ROBO2: variants seen among roughly 807,000 people sequenced by gnomAD.
ROBO2 encodes roundabout guidance receptor 2.
In ROBO2, 53 loss-of-function variants were observed where a neutral mutation model predicts 160.8. The ratio of observed to expected loss-of-function variants is 0.33; its 90% CI spans 0.26 to 0.41. The LOEUF is 0.41. Among genes scored for constraint, ROBO2 ranks in the 10% least tolerant of loss-of-function variants. ROBO2 has a pLI of 1.00. For synonymous variants in ROBO2, 664 were observed against 611.7 expected (o/e 1.09, Z -1.26); for missense variants, 1,577 against 1,722.4 (o/e 0.92, Z 1.49).
At chr3:76,820,353 A>T (rs2066013936) in intron 2 of ROBO2, among the ~76,000 whole-genome samples, 1 of 152,088 alleles carries the variant, frequency 6.6e-6, no homozygotes, top group South Asian at 2.1e-4. Flanking sequence ...TTGAATCAAT[A>T]TGAAAAATTT....
At chr3:76,376,589 G>A (rs1021830388) in intron 2 of ROBO2, among the ~76,000 whole-genome samples, 2 of 152,042 alleles carry the variant, frequency 1.3e-5, no homozygotes, top group African/African-American at 4.8e-5. Flanking sequence ...TGAGCTCACT[G>A]CCCACAACAG....
chr3:76,945,582 A>G (rs1465673739), intron 2 of ROBO2, among the ~76,000 whole-genome samples: 1 of 152,214 alleles, frequency 6.6e-6, no homozygotes. Flanking sequence ...ATCAGGGTGT[A>G]TCAGTCCATT....
chr3:77,289,011 T>C (rs924608943), intron 2 of ROBO2, among the ~76,000 whole-genome samples: 25 of 152,182 alleles, frequency 1.6e-4, no homozygotes, highest in African/African-American at 5.8e-4. Context: ...AGTTTGGGCA[T>C]TGGTGAGTTT....
chr3:76,583,072 G>C (rs1181960359), intron 2 of ROBO2, among the ~76,000 whole-genome samples: 1 of 151,876 alleles, frequency 6.6e-6, no homozygotes, highest in Non-Finnish European at 1.5e-5. Flanking sequence ...TTGTCTGCTG[G>C]AGTACGGAAC....
intron 2 of ROBO2, among the ~76,000 whole-genome samples, chr3:77,164,502 C>CA (rs2078801749): frequency 7.6e-6 from 1 of 130,960 alleles, no homozygotes; most frequent in Non-Finnish European, 1.7e-5. Context: ...GTCAGCCCCC[C>CA]GCCCGGCCAG....
chr3:77,147,032 C>A (rs1266743548), intron 2 of ROBO2, among the ~76,000 whole-genome samples: 1 of 152,048 alleles, frequency 6.6e-6, no homozygotes, highest in East Asian at 1.9e-4. Flanking sequence ...ACACTGGGGA[C>A]TCATATCTGG....
chr3:77,357,862 A>G (rs1205294027), intron 2 of ROBO2, among the ~76,000 whole-genome samples: 1 of 152,220 alleles, frequency 6.6e-6, no homozygotes, highest in Non-Finnish European at 1.5e-5. Context: ...GCTAAAAACT[A>G]CCTTTCCCTA....
intron 2 of ROBO2, among the ~76,000 whole-genome samples, chr3:76,809,921 TAA>T (rs537605203): frequency 6.6e-6 from 1 of 150,964 alleles, no homozygotes; most frequent in Non-Finnish European, 1.5e-5. Context: ...AGAGAGAAGG[TAA>T]AAAAAACTAG....
chr3:76,495,379 G>A (rs1449670306), intron 2 of ROBO2, among the ~76,000 whole-genome samples: 2 of 151,562 alleles, frequency 1.3e-5, no homozygotes, highest in Non-Finnish European at 2.9e-5. Flanking sequence ...GCTAAAACAC[G>A]CCCTGTCATG....
intron 2 of ROBO2, among the ~76,000 whole-genome samples, chr3:76,693,274 C>CTG (rs1553872052): frequency 1.4e-5 from 2 of 147,990 alleles, no homozygotes; most frequent in East Asian, 4.1e-4. Context: ...GTCTCTCTCT[C>CTG]TATATATAGT....
chr3:77,605,232 GT>G lies in ROBO2; in HGVS notation c.3137-2563del, dbSNP rs976763089. Among the ~76,000 whole-genome samples, 29 of 150,500 alleles carry G rather than the reference GT, an allele frequency of 1.9e-4. 1 individual carries two copies. The highest frequency in any genetic ancestry group is 6.6e-5 in the Admixed American group (1 of 15,054). ...TATTAATATACACACAAATTAAAGA[GT>G]TTATATATGTAAGTCATTAAAATAT... On this transcript the variant is annotated intron_variant, in intron 20 of 25. Coordinates refer to ENST00000461745, the Ensembl canonical transcript of ROBO2.
intron 2 of ROBO2, among the ~76,000 whole-genome samples, chr3:76,830,397 T>C (rs2066976549): frequency 6.6e-6 from 1 of 152,194 alleles, no homozygotes; most frequent in African/African-American, 2.4e-5. Flanking sequence ...TTCCCCTTTC[T>C]AGTTTTTCTC....
At chr3:76,167,099 C>T (rs571894287) in intron 2 of ROBO2, among the ~76,000 whole-genome samples, 15 of 152,118 alleles carry the variant, frequency 9.9e-5, no homozygotes, top group African/African-American at 3.6e-4. Flanking sequence ...TGCCACCACG[C>T]CCGGTTAATT....
At chr3:76,386,459 A>G (rs73118823) in intron 2 of ROBO2, among the ~76,000 whole-genome samples, 3,129 of 151,554 alleles carry the variant, frequency 0.021, 63 homozygotes, top group Non-Finnish European at 0.029. Flanking sequence ...CGGAAGATTC[A>G]GCACTCATGA....
At chr3:77,575,561 A>G (rs918357154) in intron 14 of ROBO2, among the ~76,000 whole-genome samples, 2 of 152,116 alleles carry the variant, frequency 1.3e-5, no homozygotes, top group Non-Finnish European at 2.9e-5. Context: ...CATTTCTTAC[A>G]CAACATGGCA....
At chr3:77,153,494 T>A (rs960410395) in intron 2 of ROBO2, among the ~76,000 whole-genome samples, 5 of 152,146 alleles carry the variant, frequency 3.3e-5, no homozygotes, top group Admixed American at 3.3e-4. Flanking sequence ...TAGAAGTGTG[T>A]AATTTCTGAA....
At chr3:77,108,299 C>CATATATATATATGTATACACATATGCAT (rs1560026384) in intron 2 of ROBO2, among the ~76,000 whole-genome samples, 1 of 120,468 alleles carries the variant, frequency 8.3e-6, no homozygotes, top group East Asian at 2.5e-4. Context: ...TACACATATG[C>CATATATATATATGTATACACATATGCAT]ATATATATAT....
intron 2 of ROBO2, among the ~76,000 whole-genome samples, chr3:77,298,029 G>T (rs2062309435): frequency 6.6e-6 from 1 of 152,100 alleles, no homozygotes. Flanking sequence ...AGGGCATTGT[G>T]CTTGTGGGTT....
At chr3:76,750,834 T>C (rs1036813069) in intron 2 of ROBO2, among the ~76,000 whole-genome samples, 10 of 152,104 alleles carry the variant, frequency 6.6e-5, no homozygotes, top group Non-Finnish European at 1.5e-4. Flanking sequence ...TGCTCATGGG[T>C]AGGAAGACTC....
Sources: allele counts gnomAD v4.1 joint callset (sites outside exome capture counted in the v4.1 genomes callset), GRCh38; gene constraint gnomAD v4.1.1; transcripts MANE v1.5; gene names NCBI Gene and HGNC (gene_info 2026-07-23, HGNC 2026-07-21).